The following KDM4B variants were observed in gnomAD, a reference collection of about 807,000 sequenced individuals.
KDM4B encodes lysine-specific demethylase 4B.
Under a neutral mutation model 125.2 loss-of-function variants are expected in KDM4B, and 32 were observed. That is an observed-to-expected ratio of 0.26 (90% CI 0.19 to 0.34). The LOEUF is 0.34. KDM4B is among the 10% of genes least tolerant of loss of function. KDM4B has a pLI of 1.00. For missense variants in KDM4B, 1,190 were observed against 1,577.7 expected, an observed-to-expected ratio of 0.75 and a Z score of 4.16; for synonymous variants, 721 against 677.9, an observed-to-expected ratio of 1.06 and a Z score of -0.99.
intron 1 of KDM4B, among the ~76,000 whole-genome samples, chr19:4,972,299 C>T (rs978793955): frequency 1.5e-5 from 2 of 129,228 alleles, no homozygotes; most frequent in African/African-American, 5.9e-5. Flanking sequence ...CCTCTCTGGG[C>T]CTTGCTTTCT....
chr19:5,059,333 C>T (rs183144553), intron 6 of KDM4B, among the ~76,000 whole-genome samples: 221 of 152,336 alleles, frequency 1.5e-3, no homozygotes, highest in Middle Eastern at 3.4e-3. Context: ...TCTGATGAAA[C>T]GGGGCGGGCG....
intron 1 of KDM4B, among the ~76,000 whole-genome samples, chr19:5,012,571 C>T (rs183412304): frequency 1.2e-3 from 179 of 152,272 alleles, no homozygotes; most frequent in African/African-American, 3.9e-3. Context: ...ACTCCCGACA[C>T]GTTCCCTGTG....
At position 5,057,072 on chromosome 19, in the gene KDM4B, G is replaced by GCA. The variant is rs1555701569; in HGVS notation, c.626+9404_626+9405insAC. ...TGTGTGTGTGTGTGTGTGTGCGCGC[G>GCA]CGCGCGTATGTTAGCAAATGACTCT... On this transcript the variant is annotated intron_variant, in intron 6 of 22. Coordinates refer to ENST00000159111, the MANE Select transcript of KDM4B (RefSeq NM_015015.3). Among the ~76,000 whole-genome samples the GCA allele has an allele frequency of 5.4e-3, 813 of 151,902 alleles. 10 individuals are homozygous for GCA. The highest frequency in any genetic ancestry group is 0.018 in the African/African-American group (765 of 41,448).
intron 5 of KDM4B, among the ~76,000 whole-genome samples, chr19:5,044,807 A>G (rs1276083332): frequency 2.6e-5 from 4 of 151,584 alleles, no homozygotes; most frequent in African/African-American, 7.3e-5. Flanking sequence ...CACTGTCTCC[A>G]TAGCTCAGCC....
chr19:4,983,577 C>A (rs2034723521), intron 1 of KDM4B, among the ~76,000 whole-genome samples: 1 of 152,212 alleles, frequency 6.6e-6, no homozygotes, highest in Admixed American at 6.5e-5. Flanking sequence ...GGCGGCCCAG[C>A]CTGGGCAGCG....
intron 12 of KDM4B, 97 bp downstream of exon 12, chr19:5,131,642 A>AGGCAGGTCGGAG (rs2039556440): frequency 9.6e-6 from 1 of 104,650 alleles, no homozygotes. Context: ...GTGGCGGGGG[A>AGGCAGGTCGGAG]GGGGGCAGGG....
chr19:5,061,837 AAAAC>A (rs947498902), intron 6 of KDM4B, among the ~76,000 whole-genome samples: 3 of 151,924 alleles, frequency 2.0e-5, no homozygotes, highest in Admixed American at 6.6e-5. Context: ...TTAAAAAAAA[AAAAC>A]AAAAAACAAC....
intron 11 of KDM4B, among the ~76,000 whole-genome samples, chr19:5,121,302 GC>G (rs1479162316): frequency 1.3e-5 from 2 of 152,196 alleles, no homozygotes; most frequent in Non-Finnish European, 2.9e-5. Flanking sequence ...GGGTACGTGG[GC>G]CCTGCGTCTG....
chr19:5,127,215 G>A lies in KDM4B; in HGVS notation c.1316-3861G>A, dbSNP rs750736455. ...TGCTCTGTCCTGAAGCCCCTCACCC[G>A]CTTCCCTCCCTCAGGCCAGGCAGGT... On this transcript the variant is annotated intron_variant, in intron 11 of 22. Coordinates refer to ENST00000159111, the MANE Select transcript of KDM4B (RefSeq NM_015015.3). Among the ~76,000 whole-genome samples the A allele has an allele frequency of 1.5e-4, 23 of 152,252 alleles. 1 individual carries two copies. The highest frequency in any genetic ancestry group is 5.2e-4 in the Admixed American group (8 of 15,300).
At chr19:4,990,254 T>A (rs2034990601) in intron 1 of KDM4B, among the ~76,000 whole-genome samples, 1 of 152,158 alleles carries the variant, frequency 6.6e-6, no homozygotes, top group African/African-American at 2.4e-5. Flanking sequence ...TGCACCAGTG[T>A]GCTCCAGCCT....
chr19:5,012,910 GCTGC>G lies in KDM4B; in HGVS notation c.-108-3343_-108-3340del, dbSNP rs376146647. On this transcript the variant is annotated intron_variant, in intron 1 of 22. Coordinates refer to ENST00000159111, the MANE Select transcript of KDM4B (RefSeq NM_015015.3). ...ATAGCCCATGCGTAAGGAATAGGGAGCTGCCTGGGCCCCAACCCCTCGTCTTCCC... is the reference window on the plus strand; with the variant it reads ...ATAGCCCATGCGTAAGGAATAGGGAGCTGGGCCCCAACCCCTCGTCTTCCC... Among the ~76,000 whole-genome samples, 28 of 152,370 alleles carry G rather than the reference GCTGC, an allele frequency of 1.8e-4. No homozygotes were observed. The East Asian group carries it at 4.0e-3, about 22-fold the overall frequency.
chr19:5,111,409 C>T (rs533251024), intron 10 of KDM4B: 1 of 765,320 alleles, frequency 1.3e-6, no homozygotes, highest in Non-Finnish European at 2.4e-6. Context: ...CAGACCCTCC[C>T]AGCCAGGTAT....
chr19:5,086,878 G>T (rs1365922486), intron 9 of KDM4B, among the ~76,000 whole-genome samples: 1 of 152,230 alleles, frequency 6.6e-6, no homozygotes, highest in African/African-American at 2.4e-5. Flanking sequence ...CTCAGCCCAG[G>T]TCTGCCCCCA....
rs1054801051 is a variant in KDM4B, at chr19:5,142,869, G to C, written c.2551-1098G>C. Among the ~76,000 whole-genome samples the C allele has an allele frequency of 6.6e-6, 1 of 152,062 alleles. No homozygotes were observed. Among genetic ancestry groups the C allele is most frequent in the African/African-American group, 2.4e-5 (1 of 41,398 alleles). ...ACGTGGTTTATAGAGTGGTGACGGT[G>C]CCGCTTATTAAATGCTTAGCTGGGC... is the stretch of plus-strand genomic sequence containing the variant. On this transcript the variant is annotated intron_variant, in intron 18 of 22. Transcript: ENST00000159111. This position sits in a 1 kb window ranked among gnomAD's most constrained non-coding sequence, Gnocchi z 5.4.
Position 5,021,636 on chromosome 19 carries a change from G to GTTT in KDM4B, c.-26+5315_-26+5317dup, listed in dbSNP as rs397859195. Among the ~76,000 whole-genome samples the GTTT allele has an allele frequency of 7.7e-4, 97 of 126,258 alleles. 4 individuals carry two copies. Among genetic ancestry groups the GTTT allele is most frequent in the Admixed American group, 1.1e-3 (13 of 11,774 alleles). 82.8% of individuals were successfully genotyped at this position (126,258 alleles called of 152,430 possible). On this transcript the variant is annotated intron_variant, in intron 2 of 22. Coordinates refer to ENST00000159111, the MANE Select transcript of KDM4B (RefSeq NM_015015.3). ...TAGATAGAGTGCAGGCCTGGCACAG[G>GTTT]TTTTTTTTTTTTTTTTTTTTGAGAC...
intron 6 of KDM4B, among the ~76,000 whole-genome samples, chr19:5,060,510 C>T (rs1413964957): frequency 6.8e-6 from 1 of 148,108 alleles, no homozygotes; most frequent in African/African-American, 2.5e-5. Context: ...TCTTCAGACC[C>T]TCTGTGCTCT....
chr19:5,152,521 C>G lies in KDM4B; in HGVS notation c.*1010C>G, dbSNP rs1232020979. On this transcript the variant is annotated 3_prime_UTR_variant, in exon 23 of 23. Coordinates refer to ENST00000159111, the MANE Select transcript of KDM4B (RefSeq NM_015015.3). ...CCAGCTCTTCGGGTACAACCCTGAG[C>G]AGGTCGGGGGACACAGGGCCGAGGC... The G allele has an allele frequency of 6.6e-6, 1 of 152,340 alleles. No homozygotes were observed. The highest frequency in any genetic ancestry group is 1.5e-5 in the Non-Finnish European group (1 of 68,128). 9.4% of individuals were successfully genotyped at this position (152,340 alleles called of 1,614,324 possible).
chr19:5,137,983 C>T lies in KDM4B; in HGVS notation c.2463C>T (p.Ala821=). ...CCAGGTGGATCCACGTGATCTGTGC[C>T]ATCGCAGTCCCCGAGGCGCGCTTCC... ...TDRRWIHVIC[A]IAVPEARFLN... Residue 821 remains alanine (A), a synonymous_variant, in exon 18 of 23, where the codon GCC becomes GCT. Transcript: ENST00000159111. 1 of 1,612,564 alleles carries T rather than the reference C, an allele frequency of 6.2e-7. No individual in the cohort carries two copies. The highest frequency in any genetic ancestry group is 8.5e-7 in the Non-Finnish European group (1 of 1,179,864).
Position 5,133,977 on chromosome 19 carries a change from C to T in KDM4B, c.2001C>T (p.Phe667=), listed in dbSNP as rs772152247. Residue 667 remains phenylalanine, a synonymous_variant, in exon 14 of 23, where the codon TTC becomes TTT. Coordinates refer to ENST00000159111, the MANE Select transcript of KDM4B (RefSeq NM_015015.3). ...AGTGGAAGAACAGGGCGGCCAGCTT[C>T]CAGGCCGAGAGGAAGTTCAACGCAG... ...SLQWKNRAAS[F]QAERKFNAAA... 6.2e-7 allele frequency: 1 copy of T among 1,612,760 alleles called. No homozygotes were observed. The highest frequency in any genetic ancestry group is 8.5e-7 in the Non-Finnish European group (1 of 1,179,928).
Sources: gnomAD v4.1 joint callset for allele counts (sites outside exome capture counted in the v4.1 genomes callset) on GRCh38, gnomAD v4.1.1 for gene constraint, Gnocchi (gnomAD v3.1) non-coding constraint, MANE v1.5 for transcripts, NCBI Gene and HGNC (gene_info 2026-07-23, HGNC 2026-07-21) for gene names.